The following PRSS23 variants were observed in gnomAD, a reference collection of about 807,000 sequenced individuals.
The protein encoded by PRSS23 is protease, serine 23.
A neutral mutation model predicts 34.7 loss-of-function variants in PRSS23; 25 were observed. The ratio of observed to expected loss-of-function variants is 0.72; its 90% CI spans 0.53 to 1.01. PRSS23 has a LOEUF of 1.01. Ranked by LOEUF, PRSS23 falls within the 50% of genes least tolerant of loss-of-function variation. The pLI, the probability that PRSS23 is intolerant of heterozygous loss-of-function variation, is 0.00. For missense variants in PRSS23, 445 were observed against 475.6 expected (o/e 0.94, Z 0.60); for synonymous variants, 176 against 186.6 (o/e 0.94, Z 0.46).
At chr11:86,892,692 G>A (rs1407207821) in intron 2 of PRSS23, among the ~76,000 whole-genome samples, 1 of 151,722 alleles carries the variant, frequency 6.6e-6, no homozygotes, top group Non-Finnish European at 1.5e-5. Context: ...TTTGTTGCAT[G>A]TAAAATTACT....
At position 86,831,326 on chromosome 11, in the gene PRSS23, T is replaced by C. The variant is rs529377899; in HGVS notation, c.206+7733T>C. ...GTCATAGCGGGTTTACACCTTTTTGTATTATTCGTAATATCCTAGAAAGTT... is the reference window on the plus strand; with the variant it reads ...GTCATAGCGGGTTTACACCTTTTTGCATTATTCGTAATATCCTAGAAAGTT... On this transcript the variant is annotated intron_variant, in intron 2 of 2. Coordinates refer to the PRSS23 transcript ENST00000533902. Among the ~76,000 whole-genome samples the C allele has an allele frequency of 4.6e-5, 7 of 152,078 alleles. No homozygotes were observed. The South Asian group carries it at 1.5e-3, about 32-fold the overall frequency.
chr11:86,832,573 G>A, intron 2 of PRSS23: 1 of 474,694 alleles, frequency 2.1e-6, no homozygotes, highest in Middle Eastern at 4.0e-4. Flanking sequence ...TGATGTCCCT[G>A]TTTCTCAGTC....
rs149020963 is a variant in PRSS23, at chr11:86,808,265, G to T, written c.622G>T (p.Asp208Tyr). 1 of 1,614,068 alleles carries T rather than the reference G, an allele frequency of 6.2e-7. No individual in the cohort carries two copies. Among genetic ancestry groups the T allele is most frequent in the Non-Finnish European group, 8.5e-7 (1 of 1,180,046 alleles). The change falls in exon 2 of 2, where the codon GAC (aspartate) becomes TAC (tyrosine). Residue 208 changes from aspartate (D) to tyrosine (Y), a missense_variant. By Grantham distance (160) the Asp-to-Tyr change is radical. Coordinates refer to ENST00000280258, the MANE Select transcript of PRSS23 (RefSeq NM_007173.6). ...KFKDGGRGAN[D>Y]STSAMPEQMK... Reference sequence around the variant, plus strand: ...TAAAGATGGTGGTCGAGGGGCCAACGACTCCACTTCAGCCATGCCCGAGCA... The same window carrying T: ...TAAAGATGGTGGTCGAGGGGCCAACTACTCCACTTCAGCCATGCCCGAGCA...
At chr11:86,927,874 G>A (rs1949091973) in intron 2 of PRSS23, among the ~76,000 whole-genome samples, 1 of 151,900 alleles carries the variant, frequency 6.6e-6, no homozygotes, top group South Asian at 2.1e-4. Context: ...CCAGGAGGTG[G>A]AGGTTGCAGT....
chr11:86,829,641 G>A (rs1199686503), intron 2 of PRSS23, among the ~76,000 whole-genome samples: 1 of 152,144 alleles, frequency 6.6e-6, no homozygotes, highest in Non-Finnish European at 1.5e-5. Flanking sequence ...TGTCTTTGAT[G>A]ATGGTGATGT....
chr11:86,897,965 A>G (rs1171529208), intron 2 of PRSS23, among the ~76,000 whole-genome samples: 1 of 152,228 alleles, frequency 6.6e-6, no homozygotes, highest in African/African-American at 2.4e-5. Context: ...CTCTCCCTGG[A>G]GAAGATAGAT....
At chr11:86,838,922 G>A (rs1292231556) in intron 2 of PRSS23, among the ~76,000 whole-genome samples, 3 of 152,122 alleles carry the variant, frequency 2.0e-5, no homozygotes, top group Admixed American at 6.6e-5. Flanking sequence ...CAAAGAGAAA[G>A]GAATAGCATC....
intron 2 of PRSS23, chr11:86,946,515 G>A (rs1159536011): frequency 6.6e-6 from 1 of 152,270 alleles, no homozygotes; most frequent in Non-Finnish European, 1.5e-5. Flanking sequence ...CCAAGGGGAA[G>A]AGGCATGTCG....
intron 2 of PRSS23, among the ~76,000 whole-genome samples, chr11:86,862,478 G>C (rs1939107): frequency 6.6e-6 from 1 of 151,618 alleles, no homozygotes; most frequent in Admixed American, 6.6e-5. Flanking sequence ...TCCTAATGTC[G>C]CTGTGGGTGT....
chr11:86,890,779 A>T (rs929610659), intron 2 of PRSS23, among the ~76,000 whole-genome samples: 1 of 152,184 alleles, frequency 6.6e-6, no homozygotes, highest in African/African-American at 2.4e-5. Flanking sequence ...GCTTAGCCCA[A>T]TGCCACTGGG....
chr11:86,877,032 A>G (rs991143462), intron 2 of PRSS23, among the ~76,000 whole-genome samples: 4 of 152,312 alleles, frequency 2.6e-5, no homozygotes, highest in South Asian at 2.1e-4. Flanking sequence ...AGCCATCTCA[A>G]TGAGCGAGGC....
chr11:86,800,397 C>A (rs1421686297), upstream of PRSS23: 8 of 955,322 alleles, frequency 8.4e-6, no homozygotes, highest in Non-Finnish European at 8.7e-6. Context: ...CGCAGGCGAG[C>A]GGCGAGGGGA....
chr11:86,871,836 A>G (rs1408625539), intron 2 of PRSS23, among the ~76,000 whole-genome samples: 1 of 152,266 alleles, frequency 6.6e-6, no homozygotes, highest in Non-Finnish European at 1.5e-5. Context: ...AGCCACAGGA[A>G]TAACATGTTC....
Position 86,845,418 on chromosome 11 carries a change from G to T in PRSS23, c.206+21825G>T, listed in dbSNP as rs767249939. ...TATGAATGTATCTTAAATTCACTTT[G>T]TCTTTACTTGATACATCCATCACAT... On this transcript the variant is annotated intron_variant, in intron 2 of 2. Transcript: ENST00000533902. Among the ~76,000 whole-genome samples the T allele has an allele frequency of 6.6e-5, 10 of 152,208 alleles. 1 individual carries two copies. The highest frequency in any genetic ancestry group is 5.9e-5 in the Non-Finnish European group (4 of 68,040).
intron 2 of PRSS23, among the ~76,000 whole-genome samples, chr11:86,940,622 T>C (rs1218846142): frequency 6.6e-6 from 1 of 152,188 alleles, no homozygotes; most frequent in East Asian, 1.9e-4. Context: ...GACTCCCCTG[T>C]GCTGAGCGCA....
chr11:86,873,755 GT>G (rs1948704340), intron 2 of PRSS23, among the ~76,000 whole-genome samples: 1 of 152,172 alleles, frequency 6.6e-6, no homozygotes, highest in African/African-American at 2.4e-5. Flanking sequence ...TGACAACCAT[GT>G]TCCACTATCA....
At chr11:86,952,155 C>T in exon 3 of PRSS23, 1 of 1,612,398 alleles carries the variant, frequency 6.2e-7, no homozygotes, top group South Asian at 1.1e-5. Context: ...CACTTGAGCA[C>T]ACAGTTCAGG....
intron 2 of PRSS23, among the ~76,000 whole-genome samples, chr11:86,844,856 G>A (rs544391571): frequency 3.3e-5 from 5 of 152,166 alleles, no homozygotes; most frequent in Admixed American, 6.5e-5. Flanking sequence ...TTGAGAGGCC[G>A]AGGCAGGCAG....
intron 2 of PRSS23, among the ~76,000 whole-genome samples, chr11:86,826,525 C>G (rs922511894): frequency 2.6e-5 from 4 of 152,180 alleles, no homozygotes; most frequent in African/African-American, 9.7e-5. Flanking sequence ...ACTTCCAACA[C>G]TATGTTGAAT....
Sources: allele counts gnomAD v4.1 joint callset (sites outside exome capture counted in the v4.1 genomes callset), GRCh38; gene constraint gnomAD v4.1.1; transcripts MANE v1.5; gene names NCBI Gene and HGNC (gene_info 2026-07-23, HGNC 2026-07-21).